PRKD1: variants seen among roughly 807,000 people sequenced by gnomAD.
PRKD1 encodes protein kinase D1.
In PRKD1, 63 loss-of-function variants were observed where a neutral mutation model predicts 95.9. That is an observed-to-expected ratio of 0.66 (90% CI 0.54 to 0.81). PRKD1 has a LOEUF of 0.81. Ranked by LOEUF, PRKD1 falls within the 30% of genes least tolerant of loss-of-function variation. PRKD1 has a pLI of 0.00. For synonymous variants in PRKD1, 425 were observed against 423.1 expected (o/e 1.00, Z -0.05); for missense variants, 1,048 against 1,165.3 (o/e 0.90, Z 1.47).
chr14:29,887,612 T>C (rs1038493969), intron 1 of PRKD1, among the ~76,000 whole-genome samples: 4 of 152,328 alleles, frequency 2.6e-5, no homozygotes, highest in African/African-American at 7.2e-5. Flanking sequence ...TATGAGTATA[T>C]AGTCATGCAC....
intron 6 of PRKD1, 75 bp from the exon 7 acceptor site, chr14:29,636,569 C>G: frequency 6.9e-7 from 1 of 1,457,260 alleles, no homozygotes; most frequent in Non-Finnish European, 9.5e-7. Flanking sequence ...TCAGGTGATC[C>G]TAAAACAAAT....
chr14:29,896,099 A>G (rs1016221002), intron 1 of PRKD1, among the ~76,000 whole-genome samples: 3 of 152,208 alleles, frequency 2.0e-5, no homozygotes, highest in Non-Finnish European at 2.9e-5. Context: ...ATATTTGTAG[A>G]ACAAATGAGT....
intron 12 of PRKD1, 91 bp downstream of exon 12, chr14:29,626,393 T>C: frequency 9.6e-7 from 1 of 1,046,374 alleles, no homozygotes; most frequent in Non-Finnish European, 1.4e-6. Context: ...ACATAGGTCT[T>C]CTCTTCTATG....
At position 29,636,477 on chromosome 14, in the gene PRKD1, C is replaced by A. The variant is rs1338677202; in HGVS notation, c.1003G>T (p.Ala335Ser). 3 of 1,613,914 alleles carry A rather than the reference C, an allele frequency of 1.9e-6. No individual in the cohort carries two copies. The highest frequency in any genetic ancestry group is 1.7e-6 in the Non-Finnish European group (2 of 1,179,996). ...TCTTCCATGACCACATCAGACTCTG[C>A]CCCAGGGCTAAGCAAATCTAGAAAA... ...TINGDLLSPGAESDVVMEEGS... is the reference protein window; with the variant it reads ...TINGDLLSPGSESDVVMEEGS... The change falls in exon 7 of 18, where the codon GCA becomes TCA. Residue 335 changes from alanine (A) to serine (S), a missense_variant. This residue lies in a region of PRKD1 where 739 missense variants were observed against 861.9 expected (regional missense o/e 0.86). Coordinates refer to ENST00000331968, the MANE Select transcript of PRKD1 (RefSeq NM_002742.3).
intron 13 of PRKD1, among the ~76,000 whole-genome samples, chr14:29,615,406 A>G (rs1360005713): frequency 1.3e-5 from 2 of 152,248 alleles, no homozygotes; most frequent in East Asian, 1.9e-4. Context: ...AATGAAGAAA[A>G]ATGTTTGAAG....
chr14:29,825,740 T>C (rs537586224), intron 1 of PRKD1, among the ~76,000 whole-genome samples: 31 of 152,074 alleles, frequency 2.0e-4, no homozygotes, highest in African/African-American at 7.2e-4. Flanking sequence ...AACATAGTGG[T>C]TTTTGAAAGA....
intron 2 of PRKD1, among the ~76,000 whole-genome samples, chr14:29,687,395 A>T (rs1220837745): frequency 6.6e-6 from 1 of 152,210 alleles, no homozygotes; most frequent in African/African-American, 2.4e-5. Flanking sequence ...GGGGAAAATA[A>T]TGAAATATAT....
At chr14:29,719,278 T>C (rs1261925186) in intron 2 of PRKD1, among the ~76,000 whole-genome samples, 1 of 152,168 alleles carries the variant, frequency 6.6e-6, no homozygotes, top group Non-Finnish European at 1.5e-5. Flanking sequence ...GTATTATAAC[T>C]ATAGAGAAGA....
chr14:29,658,812 C>A (rs887523754), intron 4 of PRKD1, among the ~76,000 whole-genome samples: 1 of 152,150 alleles, frequency 6.6e-6, no homozygotes, highest in African/African-American at 2.4e-5. Flanking sequence ...TAATTTAGCA[C>A]CCAAAGAATT....
intron 1 of PRKD1, among the ~76,000 whole-genome samples, chr14:29,865,045 CAACATCTAA>C (rs1345012920): frequency 6.6e-6 from 1 of 152,152 alleles, no homozygotes; most frequent in Non-Finnish European, 1.5e-5. Flanking sequence ...CATGTGCCAA[CAACATCTAA>C]CTATAAAAAT....
chr14:29,608,855 A>T (rs1406999229), intron 13 of PRKD1, among the ~76,000 whole-genome samples: 1 of 152,192 alleles, frequency 6.6e-6, no homozygotes, highest in East Asian at 1.9e-4. Context: ...AAACAGGCTC[A>T]TTCTTCATTA....
At chr14:29,750,819 T>C (rs948711518) in intron 1 of PRKD1, among the ~76,000 whole-genome samples, 2 of 152,198 alleles carry the variant, frequency 1.3e-5, no homozygotes, top group African/African-American at 2.4e-5. Context: ...ATTATGTTAT[T>C]TGAGGATCTG....
At chr14:29,798,131 T>G (rs1889890835) in intron 1 of PRKD1, among the ~76,000 whole-genome samples, 1 of 152,238 alleles carries the variant, frequency 6.6e-6, no homozygotes, top group Admixed American at 6.5e-5. Context: ...ACAATTAAAA[T>G]GGACAAATAT....
chr14:29,820,150 C>A (rs1302922923), intron 1 of PRKD1, among the ~76,000 whole-genome samples: 1 of 152,138 alleles, frequency 6.6e-6, no homozygotes, highest in African/African-American at 2.4e-5. Context: ...CCCATATTAC[C>A]CCTGGAAATA....
At chr14:29,606,672 T>C (rs535595587) in intron 13 of PRKD1, among the ~76,000 whole-genome samples, 1 of 152,308 alleles carries the variant, frequency 6.6e-6, no homozygotes, top group Admixed American at 6.5e-5. Context: ...CTTCCCTCCA[T>C]GCCAACCCTC....
intron 1 of PRKD1, among the ~76,000 whole-genome samples, chr14:29,784,277 C>A (rs1297692952): frequency 6.6e-6 from 1 of 152,028 alleles, no homozygotes; most frequent in African/African-American, 2.4e-5. Flanking sequence ...AGATACCATA[C>A]TGTTTTGGTA....
intron 2 of PRKD1, among the ~76,000 whole-genome samples, chr14:29,680,875 T>C (rs537430443): frequency 6.6e-6 from 1 of 152,252 alleles, no homozygotes; most frequent in African/African-American, 2.4e-5. Context: ...AGGAATTGAT[T>C]GTAAGATGTG....
intron 1 of PRKD1, among the ~76,000 whole-genome samples, chr14:29,741,516 A>C (rs898742438): frequency 6.6e-6 from 1 of 152,136 alleles, no homozygotes; most frequent in Non-Finnish European, 1.5e-5. Context: ...ACTCATAGCA[A>C]ATGCTTTATA....
chr14:29,725,779 T>TA, intron 1 of PRKD1, 105 bp from the exon 2 acceptor site: 1 of 1,079,972 alleles, frequency 9.3e-7, no homozygotes, highest in Non-Finnish European at 1.3e-6. Flanking sequence ...AAGTTCAAAG[T>TA]ATCTAGATCA....
Sources: allele counts gnomAD v4.1 joint callset (sites outside exome capture counted in the v4.1 genomes callset), GRCh38; gene constraint gnomAD v4.1.1; regional missense constraint gnomAD v4.1.1; transcripts MANE v1.5; gene names NCBI Gene and HGNC (gene_info 2026-07-23, HGNC 2026-07-21).